PRKG1: variants seen among roughly 807,000 people sequenced by gnomAD.
PRKG1 encodes the protein cGMP-dependent protein kinase 1.
PRKG1 carries 35 observed loss-of-function variants against 88.1 expected under a neutral mutation model. The observed-to-expected ratio is 0.40, with a 90% CI of 0.30 to 0.53. The LOEUF (loss-of-function observed/expected upper bound fraction) is 0.53. PRKG1 is among the 20% of genes least tolerant of loss of function. PRKG1 has a pLI of 0.59. For synonymous variants in PRKG1, 303 were observed against 292.5 expected (o/e 1.04, Z -0.37); for missense variants, 540 against 839.8 (o/e 0.64, Z 4.41).
At chr10:51,210,744 A>C (rs1838192645) in intron 2 of PRKG1, among the ~76,000 whole-genome samples, 1 of 152,222 alleles carries the variant, frequency 6.6e-6, no homozygotes, top group Non-Finnish European at 1.5e-5. Flanking sequence ...CGACACATAC[A>C]GTCTCCCAAG....
chr10:51,169,445 G>A (rs1374489652), intron 2 of PRKG1, among the ~76,000 whole-genome samples: 2 of 152,038 alleles, frequency 1.3e-5, no homozygotes, highest in Non-Finnish European at 2.9e-5. Context: ...AGCACCATTA[G>A]CATTTTCTTG....
chr10:52,073,462 C>T (rs533745457), intron 7 of PRKG1, among the ~76,000 whole-genome samples: 2 of 152,298 alleles, frequency 1.3e-5, no homozygotes, highest in South Asian at 2.1e-4. Context: ...GTCTCATGAT[C>T]AGCTACATCC....
At chr10:51,153,119 A>C in intron 1 of PRKG1, 45 bp from the exon 2 acceptor site, 4 of 1,579,698 alleles carry the variant, frequency 2.5e-6, no homozygotes, top group Non-Finnish European at 3.5e-6. Context: ...AAACTATGAA[A>C]GAGCTTGTCA....
At chr10:52,096,462 A>G (rs558952678) in intron 7 of PRKG1, among the ~76,000 whole-genome samples, 2 of 152,208 alleles carry the variant, frequency 1.3e-5, no homozygotes, top group African/African-American at 4.8e-5. Context: ...CAGGAAACCA[A>G]CTTGCTCCTT....
At chr10:51,882,456 T>G (rs1172415860) in intron 4 of PRKG1, among the ~76,000 whole-genome samples, 1 of 152,240 alleles carries the variant, frequency 6.6e-6, no homozygotes, top group East Asian at 1.9e-4. Flanking sequence ...CTACTGCTTC[T>G]AAAGCCTCAT....
chr10:51,354,484 C>G (rs1194568767), intron 2 of PRKG1, among the ~76,000 whole-genome samples: 3 of 152,062 alleles, frequency 2.0e-5, no homozygotes, highest in Admixed American at 2.0e-4. Context: ...TCATTCTATT[C>G]TGTATTTTTA....
intron 4 of PRKG1, among the ~76,000 whole-genome samples, chr10:51,857,275 A>G (rs533592131): frequency 7.2e-5 from 11 of 152,378 alleles, no homozygotes; most frequent in Non-Finnish European, 1.5e-4. Flanking sequence ...CCTTATTCAG[A>G]AAAGACTAAC....
chr10:52,287,026 C>T (rs750148733), intron 14 of PRKG1, among the ~76,000 whole-genome samples: 1 of 151,838 alleles, frequency 6.6e-6, no homozygotes, highest in Non-Finnish European at 1.5e-5. Context: ...ATTAGACTAA[C>T]ATGCATCACA....
At chr10:51,443,201 C>A (rs1471985221) in intron 2 of PRKG1, among the ~76,000 whole-genome samples, 1 of 143,850 alleles carries the variant, frequency 7.0e-6, no homozygotes, top group African/African-American at 2.9e-5. Context: ...AGTCTGCAGG[C>A]CAAATCTGGC....
At chr10:51,664,082 A>G (rs1234710092) in intron 3 of PRKG1, among the ~76,000 whole-genome samples, 1 of 152,098 alleles carries the variant, frequency 6.6e-6, no homozygotes, top group African/African-American at 2.4e-5. Context: ...TTTTTGAGAT[A>G]AGCTACCCAG....
intron 1 of PRKG1, among the ~76,000 whole-genome samples, chr10:51,046,719 C>G (rs1034743116): frequency 5.3e-5 from 8 of 152,144 alleles, no homozygotes; most frequent in Non-Finnish European, 8.8e-5. Context: ...TCAGTCAAAA[C>G]CCATGGGTGG....
At chr10:51,170,752 T>C (rs1846681952) in intron 2 of PRKG1, among the ~76,000 whole-genome samples, 1 of 55,808 alleles carries the variant, frequency 1.8e-5, no homozygotes, top group Non-Finnish European at 3.3e-5. Flanking sequence ...GTGGGGTGAG[T>C]CATTGCAGGG....
chr10:51,411,246 C>T (rs1216918613), intron 2 of PRKG1, among the ~76,000 whole-genome samples: 1 of 152,174 alleles, frequency 6.6e-6, no homozygotes, highest in African/African-American at 2.4e-5. Context: ...AGTGATCAGC[C>T]TACCTCGGCC....
chr10:51,193,654 A>G (rs1268089637), intron 2 of PRKG1, among the ~76,000 whole-genome samples: 2 of 152,040 alleles, frequency 1.3e-5, no homozygotes, highest in Admixed American at 6.6e-5. Context: ...TTGTGAGAAA[A>G]AGACTAGCCT....
chr10:51,212,182 C>A (rs1319344186), intron 2 of PRKG1, among the ~76,000 whole-genome samples: 1 of 152,058 alleles, frequency 6.6e-6, no homozygotes. Flanking sequence ...ACTATCTGAT[C>A]TTTGACAAAC....
At chr10:51,616,645 C>T (rs2132254177) in intron 3 of PRKG1, among the ~76,000 whole-genome samples, 1 of 152,238 alleles carries the variant, frequency 6.6e-6, no homozygotes, top group East Asian at 1.9e-4. Context: ...GGTGGTTAGA[C>T]TGGGTGAACT....
intron 3 of PRKG1, among the ~76,000 whole-genome samples, chr10:51,655,554 A>G (rs1840141058): frequency 6.6e-6 from 1 of 152,238 alleles, no homozygotes; most frequent in East Asian, 1.9e-4. Flanking sequence ...TCATGATTCT[A>G]CAGACGATAA....
intron 4 of PRKG1, among the ~76,000 whole-genome samples, chr10:51,818,975 C>T: frequency 8.6e-6 from 1 of 116,648 alleles, no homozygotes; most frequent in Non-Finnish European, 1.6e-5. Flanking sequence ...CCACTGCACT[C>T]CAGCCTGGGC....
chr10:51,462,886 G>A (rs772349910), intron 2 of PRKG1, among the ~76,000 whole-genome samples: 2 of 151,910 alleles, frequency 1.3e-5, no homozygotes, highest in African/African-American at 2.4e-5. Context: ...AAGAGGACAC[G>A]ATGAAAATTA....
Sources: allele counts gnomAD v4.1 joint callset (sites outside exome capture counted in the v4.1 genomes callset), GRCh38; gene constraint gnomAD v4.1.1; transcripts MANE v1.5; gene names NCBI Gene and HGNC (gene_info 2026-07-23, HGNC 2026-07-21).